Variants in GBE1 observed in about 807,000 individuals in gnomAD.
GBE1 encodes 1,4-alpha-glucan-branching enzyme.
A neutral mutation model predicts 88.8 loss-of-function variants in GBE1; 70 were observed. The ratio of observed to expected loss-of-function variants is 0.79; its 90% CI spans 0.65 to 0.96. GBE1 has a LOEUF of 0.96. Among genes scored for constraint, GBE1 ranks in the 40% least tolerant of loss-of-function variants. GBE1 has a pLI of 0.00. For synonymous variants in GBE1, 284 were observed against 300.1 expected, an observed-to-expected ratio of 0.95 and a Z score of 0.56; for missense variants, 872 against 871.0, an observed-to-expected ratio of 1.00 and a Z score of -0.01.
At chr3:81,657,493 A>C (rs914704522) in intron 3 of GBE1, among the ~76,000 whole-genome samples, 1 of 152,170 alleles carries the variant, frequency 6.6e-6, no homozygotes, top group Non-Finnish European at 1.5e-5. Flanking sequence ...CTTTGAGTTT[A>C]TATTTCTATT....
intron 2 of GBE1, among the ~76,000 whole-genome samples, chr3:81,698,724 C>T (rs1397620940): frequency 6.6e-6 from 1 of 152,102 alleles, no homozygotes; most frequent in Non-Finnish European, 1.5e-5. Context: ...GAACTGTATA[C>T]CTGTAGTAGA....
chr3:81,743,694 T>C (rs1216820525), intron 1 of GBE1: 1 of 1,044,954 alleles, frequency 9.6e-7, no homozygotes, highest in African/African-American at 1.6e-5. Flanking sequence ...AGTCATTTTA[T>C]CAAGAAAGAC....
At chr3:81,612,325 C>T in intron 7 of GBE1, 1 of 837,166 alleles carries the variant, frequency 1.2e-6, no homozygotes, top group Non-Finnish European at 1.9e-6. Context: ...TCGTCAAATC[C>T]ATTCCAGATT....
intron 2 of GBE1, among the ~76,000 whole-genome samples, chr3:81,676,503 C>T (rs1705253883): frequency 6.6e-6 from 1 of 151,726 alleles, no homozygotes; most frequent in South Asian, 2.1e-4. Flanking sequence ...AATCACTCGG[C>T]AATTAATATG....
intron 14 of GBE1, among the ~76,000 whole-genome samples, chr3:81,507,198 C>T (rs1036739697): frequency 1.3e-5 from 2 of 151,520 alleles, no homozygotes; most frequent in African/African-American, 4.9e-5. Flanking sequence ...ATCTCCCTGA[C>T]TTTAGCTTTT....
chr3:81,755,779 G>C (rs1706593089), intron 1 of GBE1, among the ~76,000 whole-genome samples: 1 of 152,022 alleles, frequency 6.6e-6, no homozygotes, highest in Non-Finnish European at 1.5e-5. Flanking sequence ...GTGTTTCTCA[G>C]GAAGACAGAA....
chr3:81,650,073 C>G (rs1704823086), intron 3 of GBE1, 152 bp from the exon 4 acceptor site: 1 of 554,108 alleles, frequency 1.8e-6, no homozygotes, highest in Non-Finnish European at 3.1e-6. Flanking sequence ...GAACATAATT[C>G]TATCAATGTT....
intron 1 of GBE1, among the ~76,000 whole-genome samples, chr3:81,734,446 CA>C (rs1706229543): frequency 6.6e-6 from 1 of 152,102 alleles, no homozygotes; most frequent in Non-Finnish European, 1.5e-5. Context: ...AGTGTTGAAT[CA>C]ATATTTGAAC....
At chr3:81,656,217 G>A (rs13086292) in intron 3 of GBE1, among the ~76,000 whole-genome samples, 44,786 of 152,000 alleles carry the variant, frequency 0.29, 6,800 homozygotes, top group East Asian at 0.44. Flanking sequence ...TTGCAGATGT[G>A]ATTAAAGTAC....
chr3:81,740,806 A>G (rs1194701966), intron 1 of GBE1, among the ~76,000 whole-genome samples: 1 of 141,256 alleles, frequency 7.1e-6, no homozygotes, highest in African/African-American at 2.6e-5. Flanking sequence ...TTTAAAATCA[A>G]ATTTTGTCTA....
chr3:81,644,811 G>A (rs1332935487), intron 6 of GBE1, among the ~76,000 whole-genome samples: 2 of 152,196 alleles, frequency 1.3e-5, no homozygotes, highest in Non-Finnish European at 2.9e-5. Context: ...TTGGACATGG[G>A]TGGTGGCAGT....
chr3:81,580,321 G>GA (rs930313335), intron 11 of GBE1, among the ~76,000 whole-genome samples: 4 of 151,136 alleles, frequency 2.6e-5, no homozygotes, highest in Non-Finnish European at 4.4e-5. Context: ...GAAAGACAAT[G>GA]AAAAAAAAAT....
At chr3:81,681,627 T>C (rs1000347994) in intron 2 of GBE1, among the ~76,000 whole-genome samples, 12 of 152,216 alleles carry the variant, frequency 7.9e-5, no homozygotes, top group Non-Finnish European at 1.3e-4. Flanking sequence ...TAAAAACTCA[T>C]GTGTCTATGG....
At chr3:81,564,967 G>A (rs944316902) in intron 12 of GBE1, among the ~76,000 whole-genome samples, 1 of 152,076 alleles carries the variant, frequency 6.6e-6, no homozygotes, top group African/African-American at 2.4e-5. Flanking sequence ...TCAGGCTCTT[G>A]GGCTTCAATA....
intron 2 of GBE1, among the ~76,000 whole-genome samples, chr3:81,697,782 G>C (rs1705622332): frequency 6.6e-6 from 1 of 152,024 alleles, no homozygotes; most frequent in Non-Finnish European, 1.5e-5. Context: ...GGAAAGATTA[G>C]AGTCCTGCTT....
At chr3:81,520,762 A>C (rs1419129520) in intron 14 of GBE1, among the ~76,000 whole-genome samples, 2 of 151,632 alleles carry the variant, frequency 1.3e-5, no homozygotes, top group African/African-American at 4.8e-5. Context: ...CTATTGCATT[A>C]AAGAATATTG....
At chr3:81,723,256 G>GTTTTTTTTTTTTTTTTT (rs200055419) in intron 1 of GBE1, among the ~76,000 whole-genome samples, 1 of 121,992 alleles carries the variant, frequency 8.2e-6, no homozygotes, top group African/African-American at 3.1e-5. Context: ...AATAAAAGTT[G>GTTTTTTTTTTTTTTTTT]TTTTGTTTTT....
In GBE1 at chr3:81,642,988, C is replaced by T. The variant is rs369574719; in HGVS notation, c.785G>A (p.Arg262His). The T allele has an allele frequency of 3.2e-5, 51 of 1,601,384 alleles. No homozygotes were observed. Among genetic ancestry groups the T allele is most frequent in the Middle Eastern group, 1.7e-4 (1 of 6,060 alleles). The change falls in exon 7 of 16, where the codon CGT (arginine) becomes CAT (histidine). Residue 262 changes from arginine to histidine, a missense_variant and splice_region_variant. Physicochemically the swap from Arg to His is conservative, Grantham distance 29 (BLOSUM62 0). Coordinates refer to ENST00000429644, the MANE Select transcript of GBE1 (RefSeq NM_000158.4). ...QITSFFAASS[R>H]YGTPEELQEL... is the part of the protein sequence containing the mutation. ...TTGTAGCTCTTCAGGTGTTCCATAACGGCTAACAATGAAGAACACAGCAAA... is the reference window on the plus strand; with the variant it reads ...TTGTAGCTCTTCAGGTGTTCCATAATGGCTAACAATGAAGAACACAGCAAA...
At position 81,496,720 on chromosome 3, in the gene GBE1, C is replaced by T. The variant is rs1179945025; in HGVS notation, c.2052+2390G>A. Among the ~76,000 whole-genome samples, 5 of 152,266 alleles carry T rather than the reference C, an allele frequency of 3.3e-5. No homozygotes were observed. The East Asian group carries it at 5.8e-4, about 18-fold the overall frequency. On this transcript the variant is annotated intron_variant, in intron 15 of 15. Coordinates refer to ENST00000429644, the MANE Select transcript of GBE1 (RefSeq NM_000158.4). The stretch of plus-strand genomic sequence containing the variant: ...AGGTACATTTGTTAATGTGATTTTT[C>T]TTCCTCTGGCTCTTTGCTGAATAAC...
Sources: gnomAD v4.1 joint callset for allele counts (sites outside exome capture counted in the v4.1 genomes callset) on GRCh38, gnomAD v4.1.1 for gene constraint, MANE v1.5 for transcripts, NCBI Gene and HGNC (gene_info 2026-07-23, HGNC 2026-07-21) for gene names.